The following ZNF566 variants were observed in gnomAD, a reference collection of about 807,000 sequenced individuals.
The protein encoded by ZNF566 is zinc finger protein 566.
Under a neutral mutation model 32.8 loss-of-function variants are expected in ZNF566, and 27 were observed. That is an observed-to-expected ratio of 0.82 (90% CI 0.61 to 1.14). The LOEUF (loss-of-function observed/expected upper bound fraction) is 1.14, where lower values mean the gene tolerates loss of function less well. Among genes scored for constraint, ZNF566 ranks in the 50% most tolerant of loss-of-function variants. The pLI is 0.00. For synonymous variants in ZNF566, 154 were observed against 159.5 expected (o/e 0.97, Z 0.26); for missense variants, 402 against 490.4 (o/e 0.82, Z 1.70).
intron 4 of ZNF566, among the ~76,000 whole-genome samples, chr19:36,462,287 C>T (rs2033487410): frequency 6.6e-6 from 1 of 152,038 alleles, no homozygotes; most frequent in Non-Finnish European, 1.5e-5. Context: ...CATGCCGGGG[C>T]CAACTTTGGG....
At chr19:36,475,504 G>T (rs1235864650) in intron 2 of ZNF566, among the ~76,000 whole-genome samples, 5 of 152,116 alleles carry the variant, frequency 3.3e-5, no homozygotes, top group African/African-American at 1.2e-4. Context: ...GAAAACCCAG[G>T]TCTACAGAGC....
chr19:36,483,803 G>A (rs999705695), intron 1 of ZNF566, among the ~76,000 whole-genome samples: 1 of 152,008 alleles, frequency 6.6e-6, no homozygotes, highest in Non-Finnish European at 1.5e-5. Flanking sequence ...GGGATGCCTC[G>A]TGGTCAGAAC....
At chr19:36,489,315 C>A (rs530644363) in intron 1 of ZNF566, 171 bp downstream of exon 1, 1 of 216,326 alleles carries the variant, frequency 4.6e-6, no homozygotes, top group Admixed American at 5.4e-5. Context: ...ACGGTGTGAG[C>A]GTTGGAAACA....
chr19:36,460,026 C>T (rs1436715139), intron 4 of ZNF566, among the ~76,000 whole-genome samples: 11 of 151,550 alleles, frequency 7.3e-5, no homozygotes, highest in African/African-American at 1.5e-4. Context: ...AGGCTGATCT[C>T]GAACTCCTGA....
Position 36,449,065 on chromosome 19 carries a change from G to C in ZNF566, c.1169C>G (p.Thr390Ser). Residue 390 changes from threonine to serine, a missense_variant, in exon 5 of 5, where the codon ACT (threonine) becomes AGT (serine). Thr to Ser is a moderately conservative substitution (Grantham distance 58). Coordinates refer to ENST00000452939, the MANE Select transcript of ZNF566 (RefSeq NM_001145344.1). Reference protein sequence around the residue: ...SQLISHHRIHTSEKPYEYREC... With the variant: ...SQLISHHRIHSSEKPYEYREC... ...CCTATATTCATAGGGTTTCTCACTA[G>C]TATGAATTCTATGATGACTAATAAG... The C allele has an allele frequency of 1.2e-6, 2 of 1,613,788 alleles. No individual in the cohort carries two copies. The highest frequency in any genetic ancestry group is 1.7e-6 in the Non-Finnish European group (2 of 1,179,836).
At chr19:36,459,853 C>G (rs1369212807) in intron 4 of ZNF566, among the ~76,000 whole-genome samples, 3 of 144,550 alleles carry the variant, frequency 2.1e-5, no homozygotes, top group Non-Finnish European at 4.5e-5. Context: ...GAACCTTGCT[C>G]TGTTGCCCAG....
intron 4 of ZNF566, among the ~76,000 whole-genome samples, chr19:36,466,020 T>G (rs1022136380): frequency 6.6e-6 from 1 of 151,784 alleles, no homozygotes; most frequent in African/African-American, 2.4e-5. Context: ...AAGGCAATAT[T>G]TGAAGAGATG....
At chr19:36,463,303 C>T (rs1228111341) in intron 4 of ZNF566, among the ~76,000 whole-genome samples, 2 of 151,836 alleles carry the variant, frequency 1.3e-5, no homozygotes, top group Non-Finnish European at 2.9e-5. Context: ...ACATCCTACG[C>T]AATAAACAAC....
intron 4 of ZNF566, among the ~76,000 whole-genome samples, chr19:36,469,498 C>G (rs2033710220): frequency 6.6e-6 from 1 of 151,802 alleles, no homozygotes; most frequent in Non-Finnish European, 1.5e-5. Flanking sequence ...CGAGATCACG[C>G]CTTTACACTC....
At chr19:36,457,039 T>TA (rs1459815412) in intron 4 of ZNF566, among the ~76,000 whole-genome samples, 1 of 152,100 alleles carries the variant, frequency 6.6e-6, no homozygotes, top group Non-Finnish European at 1.5e-5. Flanking sequence ...GGCACTGGCA[T>TA]AAAAATAGAC....
chr19:36,461,893 C>T (rs2912409), intron 4 of ZNF566, among the ~76,000 whole-genome samples: 5,332 of 151,212 alleles, frequency 0.035, 304 homozygotes, highest in African/African-American at 0.12. Context: ...CACTTTAGTT[C>T]TTAAAGTCTT....
At chr19:36,462,837 A>G (rs1316810733) in intron 4 of ZNF566, among the ~76,000 whole-genome samples, 3 of 151,304 alleles carry the variant, frequency 2.0e-5, no homozygotes, top group African/African-American at 7.3e-5. Context: ...GGTGCCTGTA[A>G]TCCAAGCTAC....
intron 4 of ZNF566, among the ~76,000 whole-genome samples, chr19:36,459,905 A>G (rs534079123): frequency 7.0e-5 from 10 of 143,592 alleles, no homozygotes; most frequent in African/African-American, 2.6e-4. Context: ...TGCAACTTCC[A>G]CCTCCTGGGT....
At chr19:36,484,006 G>A (rs775716712) in intron 1 of ZNF566, among the ~76,000 whole-genome samples, 11 of 152,106 alleles carry the variant, frequency 7.2e-5, no homozygotes. Context: ...CTGAGTAGCT[G>A]GGATTACAGG....
intron 1 of ZNF566, among the ~76,000 whole-genome samples, chr19:36,488,956 G>A (rs1214974031): frequency 6.6e-6 from 1 of 151,986 alleles, no homozygotes. Flanking sequence ...GGTCGCACAC[G>A]CAGGGCCTCT....
intron 4 of ZNF566, among the ~76,000 whole-genome samples, chr19:36,460,035 G>A (rs1333347744): frequency 1.3e-5 from 2 of 151,264 alleles, no homozygotes; most frequent in Non-Finnish European, 2.9e-5. Context: ...TCGAACTCCT[G>A]ACCTCAAGTG....
chr19:36,462,765 G>A (rs2033501748), intron 4 of ZNF566, among the ~76,000 whole-genome samples: 1 of 151,206 alleles, frequency 6.6e-6, no homozygotes, highest in African/African-American at 2.4e-5. Flanking sequence ...CTCCCATCCT[G>A]GCTAACGCGG....
At chr19:36,467,225 G>A (rs1187443584) in intron 4 of ZNF566, among the ~76,000 whole-genome samples, 1 of 149,908 alleles carries the variant, frequency 6.7e-6, no homozygotes, top group Non-Finnish European at 1.5e-5. Context: ...CACGAGGTCA[G>A]GAATTTGAGA....
chr19:36,477,526 G>GTTTTTT (rs767741591), intron 1 of ZNF566, among the ~76,000 whole-genome samples: 3,133 of 106,414 alleles, frequency 0.029, 562 homozygotes, highest in Non-Finnish European at 0.041. Flanking sequence ...TTCTGTTTCT[G>GTTTTTT]TTTTTTTTTT....
Sources: gnomAD v4.1 joint callset for allele counts (sites outside exome capture counted in the v4.1 genomes callset) on GRCh38, gnomAD v4.1.1 for gene constraint, MANE v1.5 for transcripts, NCBI Gene and HGNC (gene_info 2026-07-23, HGNC 2026-07-21) for gene names.